The following GGA1 variants were observed in gnomAD, a reference collection of about 807,000 sequenced individuals.
GGA1 encodes ADP-ribosylation factor-binding protein GGA1.
GGA1 carries 18 observed loss-of-function variants against 76.9 expected under a neutral mutation model. The observed-to-expected ratio is 0.23, with a 90% confidence interval of 0.16 to 0.35. The LOEUF is 0.35. Ranked by LOEUF, GGA1 falls within the 10% of genes least tolerant of loss-of-function variation. GGA1 has a pLI of 1.00. For missense variants in GGA1, 755 were observed against 859.0 expected (o/e 0.88, Z 1.51); for synonymous variants, 342 against 354.7 (o/e 0.96, Z 0.40).
intron 11 of GGA1, chr22:37,626,511 G>C (rs530793916): frequency 6.6e-6 from 1 of 152,188 alleles, no homozygotes; most frequent in African/African-American, 2.4e-5. Flanking sequence ...ACCATTTTTG[G>C]GTTTCCAACT....
chr22:37,627,176 AGAAAAG>A (rs1931004368), intron 11 of GGA1: 1 of 152,218 alleles, frequency 6.6e-6, no homozygotes, highest in African/African-American at 2.4e-5. Flanking sequence ...AAAAAGAAAA[AGAAAAG>A]GAAAAAGAAA....
intron 14 of GGA1, 70 bp downstream of exon 14, chr22:37,631,169 G>C: frequency 7.9e-7 from 1 of 1,270,552 alleles, no homozygotes; most frequent in South Asian, 1.5e-5. Flanking sequence ...CTCTGTCTGG[G>C]GAAGCTAGTG....
chr22:37,621,606 G>A lies in GGA1; in HGVS notation c.529-10G>A, dbSNP rs1437833628. The A allele has an allele frequency of 6.5e-7, 1 of 1,546,112 alleles. No individual in the cohort carries two copies. Among genetic ancestry groups the A allele is most frequent in the Admixed American group, 2.0e-5 (1 of 51,002 alleles). Reference sequence around the variant, plus strand: ...GCTGCCCTCACGGTCACACCCCTCTGTCTCTGCAGATGCTGGCCCGCCTGC... The same window carrying A: ...GCTGCCCTCACGGTCACACCCCTCTATCTCTGCAGATGCTGGCCCGCCTGC... On this transcript the variant is annotated splice_polypyrimidine_tract_variant and intron_variant, in intron 6 of 16. Transcript: ENST00000343632.
chr22:37,630,705 C>A (rs910955391), intron 13 of GGA1, 198 bp from the exon 14 acceptor site: 12 of 565,724 alleles, frequency 2.1e-5, no homozygotes, highest in Non-Finnish European at 3.4e-5. Context: ...TAGCTGGGAC[C>A]ACAGGTGTGC....
chr22:37,617,096 C>T (rs1928952727), intron 3 of GGA1, 99 bp downstream of exon 3: 5 of 1,543,774 alleles, frequency 3.2e-6, no homozygotes, highest in Non-Finnish European at 4.4e-6. Context: ...CTTCAGAGCC[C>T]AAGAGAGTTG....
chr22:37,626,396 T>A lies in GGA1; in HGVS notation c.1093+447T>A, dbSNP rs573335313. ...CGAGGGACTCGGTGATCCAAGCTGG[T>A]CCAGGGCCAGGCCTGCTGTTACTCC... is the stretch of plus-strand genomic sequence containing the variant. On this transcript the variant is annotated intron_variant, in intron 11 of 16. Coordinates refer to ENST00000343632, the MANE Select transcript of GGA1 (RefSeq NM_013365.5). 6 of 152,004 alleles carry A rather than the reference T, an allele frequency of 3.9e-5. No individual in the cohort carries two copies. The East Asian group carries it at 1.2e-3, about 30-fold the overall frequency. 9.4% of individuals were successfully genotyped at this position (152,004 alleles called of 1,614,324 possible). A position where few individuals can be genotyped will look rare whatever the true frequency, so the allele number is the denominator to read the frequency against.
chr22:37,623,857 T>G lies in GGA1; in HGVS notation c.832+224T>G, dbSNP rs1204422468. The G allele has an allele frequency of 1.9e-6, 1 of 534,436 alleles. No homozygotes were observed. The highest frequency in any genetic ancestry group is 3.4e-6 in the Non-Finnish European group (1 of 294,572). The allele number at this position is 534,436 out of a possible 1,614,324, so 33.1% of individuals were successfully genotyped here. A position where few individuals can be genotyped will look rare whatever the true frequency, so the allele number is the denominator to read the frequency against. On this transcript the variant is annotated intron_variant, in intron 9 of 16. Transcript: ENST00000343632. This position sits in a 1 kb window ranked among gnomAD's most constrained non-coding sequence, Gnocchi z 4.6. Reference sequence around the variant, plus strand: ...CCAGCCCCCTTAACAGGCATCTTATTTACTACCCGCAGCTGCACAGGAGGC... The same window carrying G: ...CCAGCCCCCTTAACAGGCATCTTATGTACTACCCGCAGCTGCACAGGAGGC...
At position 37,625,067 on chromosome 22, in the gene GGA1, T is replaced by C; in HGVS notation, c.931T>C (p.Ser311Pro). Residue 311 changes from serine (S) to proline (P), a missense_variant, in exon 10 of 17, where the codon TCC becomes CCC. Transcript: ENST00000343632. This position sits in a 1 kb window ranked among gnomAD's most constrained non-coding sequence, Gnocchi z 4.1. ...GGTCAACGGTGATGCCACAGCCGGC[T>C]CCATCCCTGGTGAGGAGGTGGCAGG... ...EEVNGDATAG[S>P]IPGSTSALLD... The C allele has an allele frequency of 6.3e-7, 1 of 1,592,988 alleles. No homozygotes were observed. Among genetic ancestry groups the C allele is most frequent in the Non-Finnish European group, 8.5e-7 (1 of 1,170,278 alleles).
At chr22:37,626,042 C>A in intron 11 of GGA1, 93 bp downstream of exon 11, 1 of 1,025,036 alleles carries the variant, frequency 9.8e-7, no homozygotes, top group South Asian at 1.8e-5. Flanking sequence ...ACCACGTACC[C>A]CAGGTGTGGA....
chr22:37,622,927 G>C (rs942391159), intron 7 of GGA1, among the ~76,000 whole-genome samples: 1 of 152,214 alleles, frequency 6.6e-6, no homozygotes, highest in Non-Finnish European at 1.5e-5. Flanking sequence ...GGCTGTACCT[G>C]GTGACCACAG....
In GGA1 at chr22:37,632,606, G is replaced by A. The variant is rs1301901820; in HGVS notation, c.1815G>A (p.Lys605=). The A allele has an allele frequency of 1.2e-5, 19 of 1,611,754 alleles. No individual in the cohort carries two copies. The highest frequency in any genetic ancestry group is 1.6e-5 in the Non-Finnish European group (19 of 1,178,006). The part of the protein sequence containing the change: ...VLLLANPQKE[K]VRLRYKLTFT... The stretch of plus-strand genomic sequence containing the variant: ...CTTTGCCATCTCTTCCCCAGGAGAA[G>A]GTTCGCCTCCGCTACAAGCTCACCT... The change falls in exon 17 of 17, where the codon AAG becomes AAA. Residue 605 remains lysine (K), a synonymous_variant. Coordinates refer to ENST00000343632, the MANE Select transcript of GGA1 (RefSeq NM_013365.5). This position sits in a 1 kb window ranked among gnomAD's most constrained non-coding sequence, Gnocchi z 5.1.
chr22:37,609,045 G>A, intron 1 of GGA1, 142 bp downstream of exon 1: 3 of 1,456,470 alleles, frequency 2.1e-6, no homozygotes, highest in Non-Finnish European at 2.7e-6. Flanking sequence ...TCCTCAGTCG[G>A]CCCCTCAGAC....
At chr22:37,609,230 GC>G in intron 1 of GGA1, 1 of 1,211,356 alleles carries the variant, frequency 8.3e-7, no homozygotes, top group Non-Finnish European at 1.0e-6. Flanking sequence ...TCACGGAGTA[GC>G]GGCCCGGGGA....
chr22:37,609,388 C>T (rs943234855), intron 1 of GGA1: 1 of 1,023,392 alleles, frequency 9.8e-7, no homozygotes, highest in Non-Finnish European at 1.2e-6. Flanking sequence ...TTACCCCGTC[C>T]TGGAAGGGAG....
rs542718337 is a variant in GGA1, at chr22:37,609,429, G to T, written c.43+526G>T. 1.1e-5 allele frequency: 7 copies of T among 647,782 alleles called. No individual in the cohort carries two copies. The East Asian group carries it at 9.8e-4, about 90-fold the overall frequency. The allele number at this position is 647,782 out of a possible 1,614,324, so 40.1% of individuals were successfully genotyped here. A position where few individuals can be genotyped will look rare whatever the true frequency, so the allele number is the denominator to read the frequency against. On this transcript the variant is annotated intron_variant, in intron 1 of 16. Coordinates refer to ENST00000343632, the MANE Select transcript of GGA1 (RefSeq NM_013365.5). Reference sequence around the variant, plus strand: ...ACTGCCCCATTTGATTCCTCCCGCCGCTCCTAGTCTCTAGCCACATAGTGA... The same window carrying T: ...ACTGCCCCATTTGATTCCTCCCGCCTCTCCTAGTCTCTAGCCACATAGTGA...
chr22:37,623,808 C>T lies in GGA1; in HGVS notation c.832+175C>T, dbSNP rs1469183405. Reference sequence around the variant, plus strand: ...TCTGAGGACACAGAGCAGGGGCCGCCCCCCTGTTGAGAGGCCCTGTGGGCC... The same window carrying T: ...TCTGAGGACACAGAGCAGGGGCCGCTCCCCTGTTGAGAGGCCCTGTGGGCC... On this transcript the variant is annotated intron_variant, in intron 9 of 16. Transcript: ENST00000343632. This position sits in a 1 kb window ranked among gnomAD's most constrained non-coding sequence, Gnocchi z 4.6. 1.7e-6 allele frequency: 1 copy of T among 591,068 alleles called. No individual in the cohort carries two copies. The highest frequency in any genetic ancestry group is 3.1e-6 in the Non-Finnish European group (1 of 327,428). The allele number at this position is 591,068 out of a possible 1,614,324, so 36.6% of individuals were successfully genotyped here.
Position 37,632,546 on chromosome 22 carries a change from G to A in GGA1, c.1809+31G>A. ...GGGCCCCCAGGCAGTGCTGCAGGGT[G>A]GGGACGGCCACTTCTCCTCCTCTGA... On this transcript the variant is annotated intron_variant, in intron 16 of 16. Transcript: ENST00000343632. The surrounding 1 kb of genome is among the most constrained non-coding windows in gnomAD (Gnocchi z 5.1). The A allele has an allele frequency of 1.3e-6, 2 of 1,582,444 alleles. No homozygotes were observed. Among genetic ancestry groups the A allele is most frequent in the Non-Finnish European group, 8.7e-7 (1 of 1,151,348 alleles).
At chr22:37,614,101 C>A in intron 1 of GGA1, 89 bp from the exon 2 acceptor site, 2 of 886,216 alleles carry the variant, frequency 2.3e-6, no homozygotes, top group Non-Finnish European at 1.9e-6. Flanking sequence ...ACTCCTCTCC[C>A]ACTCCTGACC....
Position 37,631,511 on chromosome 22 carries a change from A to C in GGA1, c.1528+412A>C, listed in dbSNP as rs546036154. Among the ~76,000 whole-genome samples, 60 of 152,272 alleles carry C rather than the reference A, an allele frequency of 3.9e-4. No homozygotes were observed. The South Asian group carries it at 0.011, about 29-fold the overall frequency. ...TGGCCCAGCCCCGGGCCCCAAGCAG[A>C]CACATGAGGCCTGGTGGTCCTCAGC... On this transcript the variant is annotated intron_variant, in intron 14 of 16. Transcript: ENST00000343632.
Sources: allele counts gnomAD v4.1 joint callset (sites outside exome capture counted in the v4.1 genomes callset), GRCh38; gene constraint gnomAD v4.1.1; non-coding constraint Gnocchi (gnomAD v3.1); transcripts MANE v1.5; gene names NCBI Gene and HGNC (gene_info 2026-07-23, HGNC 2026-07-21).